Variants in SHPRH observed in about 807,000 individuals in gnomAD.
SHPRH encodes the protein SNF2 histone linker PHD RING helicase.
A neutral mutation model predicts 202.5 loss-of-function variants in SHPRH; 106 were observed. The ratio of observed to expected loss-of-function variants is 0.52; its 90% confidence interval spans 0.45 to 0.62. The LOEUF (loss-of-function observed/expected upper bound fraction) is 0.62. Ranked by LOEUF, SHPRH falls within the 20% of genes least tolerant of loss-of-function variation. The pLI is 0.00. For missense variants in SHPRH, 1,710 were observed against 2,020.0 expected, an observed-to-expected ratio of 0.85 and a Z score of 2.94; for synonymous variants, 729 against 686.0, an observed-to-expected ratio of 1.06 and a Z score of -0.98.
At position 145,933,095 on chromosome 6, in the gene SHPRH, C is replaced by T; in HGVS notation, c.3074G>A (p.Cys1025Tyr). 2 of 1,613,820 alleles carry T rather than the reference C, an allele frequency of 1.2e-6. No homozygotes were observed. Among genetic ancestry groups the T allele is most frequent in the Non-Finnish European group, 1.7e-6 (2 of 1,179,852 alleles). Residue 1025 changes from cysteine (C) to tyrosine (Y), a missense_variant, in exon 14 of 30, where the codon TGT (cysteine) becomes TAT (tyrosine). Cys to Tyr is a radical substitution (Grantham distance 194). Transcript: ENST00000275233. ...ECEEAHRQLVCALNGLAGIHI... is the reference protein window; with the variant it reads ...ECEEAHRQLVYALNGLAGIHI... ...AATGCCTGCTAAGCCATTGAGAGCA[C>T]AAACTAGCTGTCGATGTGCTTCTTC... is the stretch of plus-strand genomic sequence containing the variant.
chr6:145,947,746 C>CT (rs1460279956), intron 5 of SHPRH, 103 bp from the exon 6 acceptor site: 27 of 1,349,504 alleles, frequency 2.0e-5, no homozygotes, highest in Admixed American at 9.6e-5. Context: ...TGCATAAAGT[C>CT]TAAGTTTATT....
intron 3 of SHPRH, chr6:145,951,684 T>C (rs1222716759): frequency 3.0e-5 from 12 of 406,306 alleles, no homozygotes; most frequent in Non-Finnish European, 5.0e-5. Context: ...TTATAAAGCA[T>C]TGCAAAGAAT....
intron 16 of SHPRH, among the ~76,000 whole-genome samples, chr6:145,925,890 T>A (rs1784833540): frequency 6.6e-6 from 1 of 152,004 alleles, no homozygotes; most frequent in South Asian, 2.1e-4. Flanking sequence ...CTACCTCTTT[T>A]GTAGATCTGC....
intron 26 of SHPRH, among the ~76,000 whole-genome samples, chr6:145,894,494 G>A (rs1422595708): frequency 6.7e-6 from 1 of 149,802 alleles, no homozygotes; most frequent in Non-Finnish European, 1.5e-5. Context: ...AATACATAAT[G>A]GAGTGCATAC....
At chr6:145,963,603 C>T (rs1181221114) in intron 1 of SHPRH, 128 bp downstream of exon 1, 1 of 152,202 alleles carries the variant, frequency 6.6e-6, no homozygotes, top group East Asian at 1.9e-4. Context: ...CCAAAGGTAA[C>T]GGAGAACTTT....
chr6:145,936,277 TA>T (rs1269891843), intron 11 of SHPRH, among the ~76,000 whole-genome samples: 1 of 152,100 alleles, frequency 6.6e-6, no homozygotes, highest in Non-Finnish European at 1.5e-5. Context: ...CTCAAATATA[TA>T]AACATCTATA....
chr6:145,948,339 G>A lies in SHPRH; in HGVS notation c.994C>T (p.His332Tyr), dbSNP rs1445316623. 1 of 1,601,294 alleles carries A rather than the reference G, an allele frequency of 6.2e-7. No homozygotes were observed. The highest frequency in any genetic ancestry group is 1.7e-5 in the Admixed American group (1 of 59,032). ...RSSPATESAL[H>Y]FLWREIVTSE... ...GTAACAATCTCTCGCCATAAGAAGT[G>A]CAGGGCACTTTCTAAAGAAAAATAT... The change falls in exon 5 of 30, where the codon CAC (histidine) becomes TAC (tyrosine). Residue 332 changes from histidine to tyrosine, a missense_variant. Around this residue, in one of 8 missense-constraint regions of SHPRH, gnomAD observed 459 missense variants for 426.5 expected, o/e 1.08. Coordinates refer to ENST00000275233, the MANE Select transcript of SHPRH (RefSeq NM_001042683.3).
At chr6:145,918,263 T>C in intron 22 of SHPRH, 31 bp from the exon 23 acceptor site, 1 of 1,376,548 alleles carries the variant, frequency 7.3e-7, no homozygotes, top group African/African-American at 1.5e-5. Flanking sequence ...AACTTCTTTA[T>C]TCTTTCAGAA....
chr6:145,946,109 T>C, intron 7 of SHPRH, 124 bp downstream of exon 7: 1 of 640,712 alleles, frequency 1.6e-6, no homozygotes, highest in African/African-American at 1.9e-5. Flanking sequence ...AATTCATTTA[T>C]CAAAAGCATA....
chr6:145,933,666 C>G (rs1232750617), intron 13 of SHPRH, among the ~76,000 whole-genome samples: 1 of 152,174 alleles, frequency 6.6e-6, no homozygotes, highest in Non-Finnish European at 1.5e-5. Flanking sequence ...GTTCATATAT[C>G]TTTTGAAATT....
At chr6:145,918,449 C>A (rs1414442886) in intron 22 of SHPRH, 12 of 298,312 alleles carry the variant, frequency 4.0e-5, no homozygotes, top group Non-Finnish European at 7.1e-5. Flanking sequence ...ATGCAGAGTT[C>A]TTTTAAACAG....
At chr6:145,890,686 C>T (rs1255721934) in intron 28 of SHPRH, among the ~76,000 whole-genome samples, 3 of 152,150 alleles carry the variant, frequency 2.0e-5, no homozygotes, top group African/African-American at 7.2e-5. Flanking sequence ...AGTCTCGTGA[C>T]TTAATGGACT....
At chr6:145,934,672 A>C (rs1381058317) in intron 13 of SHPRH, among the ~76,000 whole-genome samples, 1 of 151,456 alleles carries the variant, frequency 6.6e-6, no homozygotes, top group East Asian at 1.9e-4. Flanking sequence ...CAAAACAAAA[A>C]AAAACAAACA....
intron 7 of SHPRH, among the ~76,000 whole-genome samples, chr6:145,945,948 G>A (rs920671052): frequency 2.6e-5 from 4 of 151,944 alleles, no homozygotes; most frequent in East Asian, 1.9e-4. Context: ...ATTAGTATGC[G>A]AAACATTCAT....
chr6:145,893,746 G>T, intron 27 of SHPRH, among the ~76,000 whole-genome samples: 1 of 152,056 alleles, frequency 6.6e-6, no homozygotes, highest in East Asian at 1.9e-4. Context: ...ATTTTCATTT[G>T]GTCTCTGTGT....
intron 4 of SHPRH, among the ~76,000 whole-genome samples, chr6:145,949,024 T>G (rs1197072378): frequency 6.6e-6 from 1 of 152,024 alleles, no homozygotes; most frequent in East Asian, 1.9e-4. Flanking sequence ...TATATTTTTA[T>G]ATTCTAGAAT....
At chr6:145,958,304 A>G (rs146208904) in intron 1 of SHPRH, among the ~76,000 whole-genome samples, 1 of 152,342 alleles carries the variant, frequency 6.6e-6, no homozygotes, top group African/African-American at 2.4e-5. Context: ...CATAAATTAT[A>G]TCATAAAGTT....
chr6:145,886,864 T>C (rs968359080), intron 29 of SHPRH, 77 bp from the exon 30 acceptor site: 1 of 1,432,102 alleles, frequency 7.0e-7, no homozygotes, highest in Non-Finnish European at 9.3e-7. Context: ...TAATACGAAC[T>C]AGACACATAT....
At chr6:145,917,361 G>C (rs1304649408) in intron 23 of SHPRH, 1 of 152,108 alleles carries the variant, frequency 6.6e-6, no homozygotes, top group Non-Finnish European at 1.5e-5. Context: ...AAACAGTTGA[G>C]TCACGATTCA....
Sources: gnomAD v4.1 joint callset for allele counts (sites outside exome capture counted in the v4.1 genomes callset) on GRCh38, gnomAD v4.1.1 for gene constraint, gnomAD v4.1.1 regional missense constraint, MANE v1.5 for transcripts, NCBI Gene and HGNC (gene_info 2026-07-23, HGNC 2026-07-21) for gene names.